The following MYEF2 variants were observed in gnomAD, a reference collection of about 807,000 sequenced individuals.
MYEF2 encodes the protein myelin gene expression factor 2.
Under a neutral mutation model 75.2 loss-of-function variants are expected in MYEF2, and 37 were observed. That is an observed-to-expected ratio of 0.49 (90% CI 0.38 to 0.65). MYEF2 has a LOEUF of 0.65. Ranked by LOEUF, MYEF2 falls within the 30% of genes least tolerant of loss-of-function variation. The pLI is 0.00. For missense variants in MYEF2, 634 were observed against 771.4 expected, an observed-to-expected ratio of 0.82 and a Z score of 2.11; for synonymous variants, 195 against 241.6, an observed-to-expected ratio of 0.81 and a Z score of 1.79.
chr15:48,158,311 ACT>A (rs1253567206), intron 7 of MYEF2, 87 bp from the exon 8 acceptor site: 14 of 1,237,222 alleles, frequency 1.1e-5, no homozygotes, highest in Admixed American at 7.9e-5. Context: ...TTAGAGTCCA[ACT>A]CTCTGATATT....
At chr15:48,151,617 C>T (rs1377791276) in intron 12 of MYEF2, 46 bp from the exon 13 acceptor site, 1 of 1,490,980 alleles carries the variant, frequency 6.7e-7, no homozygotes, top group Admixed American at 1.9e-5. Context: ...TATATCAATA[C>T]ATGTTGAAAA....
chr15:48,134,719 G>C lies in MYEF2; in HGVS notation c.*8189C>G, dbSNP rs1365514091. 2 of 731,404 alleles carry C rather than the reference G, an allele frequency of 2.7e-6. No individual in the cohort carries two copies. Among genetic ancestry groups the C allele is most frequent in the African/African-American group, 3.6e-5 (2 of 55,896 alleles). The allele number at this position is 731,404 out of a possible 1,614,324, so 45.3% of individuals were successfully genotyped here. ...ACAAATAGCTCTTGGTCAGATTTAT[G>C]AAAGTCTGTGTAAGTTAGAACACAA... On this transcript the variant is annotated 3_prime_UTR_variant, in exon 17 of 17. Coordinates refer to ENST00000324324, the MANE Select transcript of MYEF2 (RefSeq NM_016132.5).
At position 48,137,245 on chromosome 15, in the gene MYEF2, A is replaced by G; in HGVS notation, c.*5663T>C. ...AAAATGTGGTGAGGACAGATAGGAGATTTTCACAGAGAAGGGAGCATTTAA... is the reference window on the plus strand; with the variant it reads ...AAAATGTGGTGAGGACAGATAGGAGGTTTTCACAGAGAAGGGAGCATTTAA... On this transcript the variant is annotated 3_prime_UTR_variant, in exon 17 of 17. Coordinates refer to ENST00000324324, the MANE Select transcript of MYEF2 (RefSeq NM_016132.5). 1 of 307,392 alleles carries G rather than the reference A, an allele frequency of 3.3e-6. No individual in the cohort carries two copies. Among genetic ancestry groups the G allele is most frequent in the Non-Finnish European group, 6.0e-6 (1 of 167,484 alleles). The allele number at this position is 307,392 out of a possible 1,614,324, so 19.0% of individuals were successfully genotyped here.
intron 8 of MYEF2, 32 bp downstream of exon 8, chr15:48,158,143 G>A (rs1306941720): frequency 3.7e-6 from 6 of 1,612,120 alleles, no homozygotes; most frequent in African/African-American, 1.3e-5. Flanking sequence ...ATCTGAAGAG[G>A]TTGGAGGTTG....
intron 7 of MYEF2, among the ~76,000 whole-genome samples, 195 bp from the exon 8 acceptor site, chr15:48,158,419 G>A (rs989324840): frequency 2.0e-5 from 3 of 152,056 alleles, no homozygotes; most frequent in Non-Finnish European, 4.4e-5. Flanking sequence ...TCATCAATAA[G>A]ATGTATTTTT....
At chr15:48,143,870 T>C (rs536800866) in intron 16 of MYEF2, among the ~76,000 whole-genome samples, 1 of 152,106 alleles carries the variant, frequency 6.6e-6, no homozygotes, top group African/African-American at 2.4e-5. Context: ...GCCATAAGAA[T>C]TCATCACTAC....
intron 1 of MYEF2, among the ~76,000 whole-genome samples, chr15:48,170,720 A>C (rs1356303645): frequency 6.6e-6 from 1 of 152,166 alleles, no homozygotes; most frequent in African/African-American, 2.4e-5. Flanking sequence ...AGCTTCTTGA[A>C]CACTACTCTT....
At chr15:48,176,820 GA>G (rs1436037505) in intron 1 of MYEF2, among the ~76,000 whole-genome samples, 1 of 152,068 alleles carries the variant, frequency 6.6e-6, no homozygotes, top group Non-Finnish European at 1.5e-5. Flanking sequence ...CTCAATTACT[GA>G]GGTGCACCAC....
intron 16 of MYEF2, among the ~76,000 whole-genome samples, chr15:48,143,448 TTGCTTAC>T (rs932177575): frequency 6.6e-5 from 10 of 152,202 alleles, no homozygotes; most frequent in African/African-American, 2.4e-4. Context: ...GAATAAACGG[TTGCTTAC>T]TGCTCAGTCT....
rs75376765 is a variant in MYEF2, at chr15:48,170,714, T to C, written c.162-1875A>G. 1.3e-3 allele frequency among the ~76,000 whole-genome samples: 199 copies of C among 152,298 alleles called. 5 individuals carry two copies. The East Asian group carries it at 0.037, about 28-fold the overall frequency. Reference sequence around the variant, plus strand: ...TTTGTTACATAATATATACAGAGCTTCTTGAACACTACTCTTCTTTGTAGG... The same window carrying C: ...TTTGTTACATAATATATACAGAGCTCCTTGAACACTACTCTTCTTTGTAGG... On this transcript the variant is annotated intron_variant, in intron 1 of 16. Transcript: ENST00000324324.
intron 1 of MYEF2, among the ~76,000 whole-genome samples, chr15:48,172,745 T>A (rs1320180884): frequency 1.3e-5 from 2 of 152,026 alleles, no homozygotes; most frequent in African/African-American, 4.8e-5. Context: ...AACAATTATA[T>A]ACCAACAAAT....
chr15:48,161,565 G>A (rs1038943202), intron 5 of MYEF2, among the ~76,000 whole-genome samples: 4 of 150,966 alleles, frequency 2.6e-5, no homozygotes, highest in African/African-American at 9.7e-5. Flanking sequence ...TAAAAATGGC[G>A]GCATCCTCTT....
At chr15:48,167,327 G>A (rs1213906279) in intron 3 of MYEF2, 22 bp downstream of exon 3, 2 of 1,611,976 alleles carry the variant, frequency 1.2e-6, no homozygotes, top group Admixed American at 1.7e-5. Context: ...ACCTCAAGCA[G>A]ATTATTGCCC....
intron 2 of MYEF2, among the ~76,000 whole-genome samples, chr15:48,168,066 T>C (rs2040192041): frequency 6.6e-6 from 1 of 152,066 alleles, no homozygotes; most frequent in African/African-American, 2.4e-5. Context: ...ATTAAAATTA[T>C]TTTTCCCCAA....
At chr15:48,178,049 C>T in intron 1 of MYEF2, 28 bp downstream of exon 1, 1 of 1,578,934 alleles carries the variant, frequency 6.3e-7, no homozygotes, top group Non-Finnish European at 8.6e-7. Context: ...CCCCACCTCG[C>T]CCCGGTTCCC....
At position 48,149,428 on chromosome 15, in the gene MYEF2, A is replaced by C. The variant is rs531963310; in HGVS notation, c.1379-57T>G. 1.2e-3 allele frequency: 1,861 copies of C among 1,533,528 alleles called. 4 individuals carry two copies. The highest frequency in any genetic ancestry group is 1.4e-3 in the Non-Finnish European group (1,580 of 1,110,898). 95.0% of individuals were successfully genotyped at this position (1,533,528 alleles called of 1,614,324 possible). A position where few individuals can be genotyped will look rare whatever the true frequency, so the allele number is the denominator to read the frequency against. On this transcript the variant is annotated intron_variant, in intron 14 of 16. Transcript: ENST00000324324. The surrounding 1 kb of genome is among the most constrained non-coding windows in gnomAD (Gnocchi z 4.0). ...GGAATTTTGTGTTTTTGTTTCAAAAACATAAGGAAAAGGAGAAGAGGAGAA... is the reference window on the plus strand; with the variant it reads ...GGAATTTTGTGTTTTTGTTTCAAAACCATAAGGAAAAGGAGAAGAGGAGAA...
chr15:48,164,488 A>G (rs2040064819), intron 5 of MYEF2, among the ~76,000 whole-genome samples: 1 of 152,214 alleles, frequency 6.6e-6, no homozygotes, highest in Admixed American at 6.5e-5. Context: ...ATGACAACAA[A>G]GGATTTAGAA....
At chr15:48,151,776 A>C in intron 12 of MYEF2, 98 bp downstream of exon 12, 1 of 1,414,660 alleles carries the variant, frequency 7.1e-7, no homozygotes, top group Non-Finnish European at 1.0e-6. Context: ...TGCCTTCTGA[A>C]GACATTTTTA....
At chr15:48,158,720 T>TTA (rs747210789) in intron 7 of MYEF2, 49 bp downstream of exon 7, 9 of 1,606,782 alleles carry the variant, frequency 5.6e-6, no homozygotes, top group Middle Eastern at 3.3e-4. Flanking sequence ...AAAGGTGGTA[T>TTA]TATGCTTCTT....
Sources: gnomAD v4.1 joint callset for allele counts (sites outside exome capture counted in the v4.1 genomes callset) on GRCh38, gnomAD v4.1.1 for gene constraint, Gnocchi (gnomAD v3.1) non-coding constraint, MANE v1.5 for transcripts, NCBI Gene and HGNC (gene_info 2026-07-23, HGNC 2026-07-21) for gene names.